The following TMEM117 variants were observed in gnomAD, a reference collection of about 807,000 sequenced individuals.
TMEM117 encodes transmembrane protein 117.
TMEM117 carries 27 observed loss-of-function variants against 52.4 expected under a neutral mutation model. The ratio of observed to expected loss-of-function variants is 0.51; its 90% CI spans 0.38 to 0.71. The LOEUF (loss-of-function observed/expected upper bound fraction) is 0.71. Among genes scored for constraint, TMEM117 ranks in the 30% least tolerant of loss-of-function variants. The pLI, the probability that TMEM117 is intolerant of heterozygous loss-of-function variation, is 0.00. For synonymous variants in TMEM117, 215 were observed against 206.3 expected (o/e 1.04, Z -0.36); for missense variants, 556 against 630.5 (o/e 0.88, Z 1.26).
chr12:44,366,656 GT>G (rs1345693312), intron 6 of TMEM117, among the ~76,000 whole-genome samples: 4 of 152,006 alleles, frequency 2.6e-5, no homozygotes, highest in African/African-American at 9.7e-5. Context: ...TGCTCTAAAG[GT>G]TTTACTTTCT....
chr12:43,986,311 A>G (rs1945846202), intron 3 of TMEM117, among the ~76,000 whole-genome samples: 2 of 152,198 alleles, frequency 1.3e-5, no homozygotes, highest in South Asian at 4.1e-4. Context: ...ATGTACTTAG[A>G]AGTACTCATG....
intron 3 of TMEM117, among the ~76,000 whole-genome samples, chr12:44,097,465 C>A (rs1337852900): frequency 6.6e-6 from 1 of 151,950 alleles, no homozygotes; most frequent in African/African-American, 2.4e-5. Flanking sequence ...GGAACCAACC[C>A]AAATGTCCAA....
intron 3 of TMEM117, among the ~76,000 whole-genome samples, chr12:44,094,991 T>G (rs1436258217): frequency 6.6e-6 from 1 of 152,130 alleles, no homozygotes; most frequent in Non-Finnish European, 1.5e-5. Context: ...CCTACCAGAC[T>G]AATTAGTTAA....
At chr12:44,268,510 G>A (rs1238921040) in intron 5 of TMEM117, among the ~76,000 whole-genome samples, 1 of 151,916 alleles carries the variant, frequency 6.6e-6, no homozygotes, top group Non-Finnish European at 1.5e-5. Flanking sequence ...TACTACATAT[G>A]TATGAGTTTA....
At chr12:43,905,436 G>A (rs1439925680) in intron 2 of TMEM117, among the ~76,000 whole-genome samples, 1 of 152,106 alleles carries the variant, frequency 6.6e-6, no homozygotes, top group Non-Finnish European at 1.5e-5. Context: ...TCTTCTCCTG[G>A]CAGACACCGT....
At position 43,891,533 on chromosome 12, in the gene TMEM117, C is replaced by T. The variant is rs925382053; in HGVS notation, c.277+46605C>T. Among the ~76,000 whole-genome samples the T allele has an allele frequency of 1.1e-4, 16 of 151,630 alleles. No homozygotes were observed. The South Asian group carries it at 1.5e-3, about 14-fold the overall frequency. ...GACTACAGGCACCCACCACCATGCC[C>T]GGCTAATTTTTTTTAGTAGAGACAG... On this transcript the variant is annotated intron_variant, in intron 2 of 7. Coordinates refer to ENST00000266534, the MANE Select transcript of TMEM117 (RefSeq NM_032256.3).
intron 4 of TMEM117, among the ~76,000 whole-genome samples, chr12:44,187,007 A>G (rs1949286893): frequency 6.6e-6 from 1 of 152,154 alleles, no homozygotes; most frequent in African/African-American, 2.4e-5. Flanking sequence ...ACCTGGGAGT[A>G]TGTATAAAAT....
At chr12:43,797,787 C>T in the TMEM117 span, 1 of 1,613,406 alleles carries the variant, frequency 6.2e-7, no homozygotes, top group Non-Finnish European at 8.5e-7. Context: ...AAATGCTACT[C>T]CTTGTAGTGT....
rs370566905 is a variant in TMEM117 at position 43,958,124 on chromosome 12, T to C, written c.410+13782T>C. ...AGCACTTGTTATTTTGTGATGTGCT[T>C]GGCCCCTTTTACTTTATGTTCCAAA... On this transcript the variant is annotated intron_variant, in intron 3 of 7. Coordinates refer to ENST00000266534, the MANE Select transcript of TMEM117 (RefSeq NM_032256.3). 8.5e-5 allele frequency among the ~76,000 whole-genome samples: 13 copies of C among 152,348 alleles called. No individual in the cohort carries two copies. In the East Asian group the frequency reaches 2.1e-3, roughly 25 times the overall value.
At chr12:44,225,541 TA>T (rs1949849740) in intron 5 of TMEM117, among the ~76,000 whole-genome samples, 1 of 152,220 alleles carries the variant, frequency 6.6e-6, no homozygotes, top group East Asian at 1.9e-4. Context: ...TAGAATCATA[TA>T]ATCTGAATTC....
At chr12:43,989,144 A>G (rs1449363876) in intron 3 of TMEM117, among the ~76,000 whole-genome samples, 1 of 152,174 alleles carries the variant, frequency 6.6e-6, no homozygotes, top group Non-Finnish European at 1.5e-5. Flanking sequence ...AAGATAGCAC[A>G]TGTCATGTTC....
At chr12:44,036,112 A>G (rs1946706311) in intron 3 of TMEM117, among the ~76,000 whole-genome samples, 1 of 152,228 alleles carries the variant, frequency 6.6e-6, no homozygotes, top group East Asian at 1.9e-4. Context: ...AGAGATCATT[A>G]CAGATCTCAG....
chr12:43,819,058 G>A, the TMEM117 span, among the ~76,000 whole-genome samples: 20 of 152,170 alleles, frequency 1.3e-4, no homozygotes, highest in Non-Finnish European at 2.9e-4. Context: ...ATACAGAATT[G>A]TACAGGGAGA....
At chr12:43,890,805 C>T (rs1393054881) in intron 2 of TMEM117, among the ~76,000 whole-genome samples, 1 of 152,232 alleles carries the variant, frequency 6.6e-6, no homozygotes, top group East Asian at 1.9e-4. Context: ...GCTGGGATTA[C>T]AGGTGTGAGC....
chr12:43,942,338 T>G (rs533021325), intron 2 of TMEM117, among the ~76,000 whole-genome samples: 1 of 152,338 alleles, frequency 6.6e-6, no homozygotes, highest in South Asian at 2.1e-4. Flanking sequence ...GTGGTTTTAC[T>G]CTCAAGCATT....
At chr12:43,858,296 C>T (rs181434216) in intron 2 of TMEM117, among the ~76,000 whole-genome samples, 93 of 152,314 alleles carry the variant, frequency 6.1e-4, no homozygotes, top group Non-Finnish European at 1.1e-3. Flanking sequence ...TTCAGGCATC[C>T]CAGATGGCGA....
At chr12:43,839,971 G>A (rs1446147168) in intron 1 of TMEM117, among the ~76,000 whole-genome samples, 2 of 152,164 alleles carry the variant, frequency 1.3e-5, no homozygotes, top group Non-Finnish European at 2.9e-5. Context: ...AACTCTCACA[G>A]GATAACCCCA....
intron 3 of TMEM117, among the ~76,000 whole-genome samples, chr12:44,096,852 A>G (rs1446213245): frequency 2.0e-5 from 3 of 151,752 alleles, no homozygotes; most frequent in Non-Finnish European, 4.4e-5. Flanking sequence ...ACAAAAGACA[A>G]AATTGACAAA....
upstream of TMEM117, among the ~76,000 whole-genome samples, chr12:43,834,652 A>G (rs1943003408): frequency 6.6e-6 from 1 of 152,186 alleles, no homozygotes; most frequent in Non-Finnish European, 1.5e-5. Context: ...TCTATTTCTT[A>G]AGAAGACAGA....
Sources: allele counts gnomAD v4.1 joint callset (sites outside exome capture counted in the v4.1 genomes callset), GRCh38; gene constraint gnomAD v4.1.1; transcripts MANE v1.5; gene names NCBI Gene and HGNC (gene_info 2026-07-23, HGNC 2026-07-21).